CACNB2: variants seen among roughly 807,000 people sequenced by gnomAD.
CACNB2 encodes voltage-dependent L-type calcium channel subunit beta-2.
In CACNB2, 42 loss-of-function variants were observed where a neutral mutation model predicts 73.3. The observed-to-expected ratio is 0.57, with a 90% CI of 0.45 to 0.74. The LOEUF (loss-of-function observed/expected upper bound fraction) is 0.74, where lower values mean the gene tolerates loss of function less well. Among genes scored for constraint, CACNB2 ranks in the 30% least tolerant of loss-of-function variants. The probability of loss-of-function intolerance (pLI) is 0.00; values close to 1 mark genes in which losing one functional copy is unlikely to be tolerated. For missense variants in CACNB2, 940 were observed against 853.0 expected, an observed-to-expected ratio of 1.10 and a Z score of -1.27; for synonymous variants, 348 against 310.3, an observed-to-expected ratio of 1.12 and a Z score of -1.28.
intron 2 of CACNB2, among the ~76,000 whole-genome samples, chr10:18,271,754 CTG>C (rs2038064016): frequency 6.6e-6 from 1 of 152,174 alleles, no homozygotes; most frequent in East Asian, 1.9e-4. Flanking sequence ...AGCCAGACTC[CTG>C]TGTGTGTTCT....
At chr10:18,325,689 C>CCCTTCCTTCCTTCCTT (rs1355342877) in intron 2 of CACNB2, among the ~76,000 whole-genome samples, 38 of 89,202 alleles carry the variant, frequency 4.3e-4, no homozygotes, top group South Asian at 1.2e-3. Context: ...CTCCCTCCCT[C>CCCTTCCTTCCTTCCTT]CCTTCCTTCC....
intron 2 of CACNB2, chr10:18,261,463 GA>G: frequency 9.1e-7 from 1 of 1,101,002 alleles, no homozygotes; most frequent in East Asian, 2.6e-5. Flanking sequence ...AGTTTTCAAG[GA>G]ATCTGAGGTA....
At chr10:18,349,176 G>A (rs747593076) in intron 2 of CACNB2, among the ~76,000 whole-genome samples, 1 of 152,162 alleles carries the variant, frequency 6.6e-6, no homozygotes, top group African/African-American at 2.4e-5. Flanking sequence ...TGAAGGGTGG[G>A]CATTCACAGG....
At chr10:18,370,177 A>T (rs1477149225) in intron 2 of CACNB2, among the ~76,000 whole-genome samples, 1 of 152,234 alleles carries the variant, frequency 6.6e-6, no homozygotes, top group Non-Finnish European at 1.5e-5. Flanking sequence ...GTTACATTTA[A>T]ATAGCCACAC....
At chr10:18,307,985 T>A (rs1236103201) in intron 2 of CACNB2, among the ~76,000 whole-genome samples, 5 of 85,880 alleles carry the variant, frequency 5.8e-5, no homozygotes, top group Admixed American at 1.2e-4. Flanking sequence ...TATGCCAACT[T>A]TTTTTTTTTT....
chr10:18,163,463 C>G lies in CACNB2; in HGVS notation c.213+12488C>G, dbSNP rs2032619465. ...ATTCTAGACCCTTAGTGCAAAGCCA[C>G]TGACCATGACCATGGGCATGAGGCA... is the stretch of plus-strand genomic sequence containing the variant. On this transcript the variant is annotated intron_variant, in intron 2 of 13. Transcript: ENST00000324631. Among the ~76,000 whole-genome samples, 3 of 152,162 alleles carry G rather than the reference C, an allele frequency of 2.0e-5. No individual in the cohort carries two copies. In the South Asian group the frequency reaches 6.2e-4, roughly 32 times the overall value.
intron 2 of CACNB2, among the ~76,000 whole-genome samples, chr10:18,339,287 A>C (rs950563250): frequency 6.6e-6 from 1 of 152,038 alleles, no homozygotes; most frequent in African/African-American, 2.4e-5. Context: ...TTGGGAGGCC[A>C]AGGCAGGCAG....
intron 2 of CACNB2, among the ~76,000 whole-genome samples, chr10:18,163,519 G>A (rs547429549): frequency 6.6e-6 from 1 of 152,206 alleles, no homozygotes; most frequent in Non-Finnish European, 1.5e-5. Flanking sequence ...CAGGACTTTG[G>A]CAATACCTTG....
At chr10:18,235,698 T>A (rs73597550) in intron 2 of CACNB2, among the ~76,000 whole-genome samples, 15,433 of 152,150 alleles carry the variant, frequency 0.1, 1,724 homozygotes, top group African/African-American at 0.28. Flanking sequence ...TGACTGGTCT[T>A]GGCTCTGCCT....
chr10:18,285,109 G>A (rs2038729133), intron 2 of CACNB2, among the ~76,000 whole-genome samples: 1 of 152,130 alleles, frequency 6.6e-6, no homozygotes, highest in African/African-American at 2.4e-5. Flanking sequence ...ATGTATGGTA[G>A]TCTTACAGAT....
At chr10:18,481,192 C>CTATATG in intron 3 of CACNB2, among the ~76,000 whole-genome samples, 1 of 36,700 alleles carries the variant, frequency 2.7e-5, no homozygotes, top group Non-Finnish European at 4.4e-5. Context: ...TACATCTTCG[C>CTATATG]TATATATATA....
chr10:18,398,104 T>C (rs1011017715), intron 2 of CACNB2, among the ~76,000 whole-genome samples: 7 of 152,196 alleles, frequency 4.6e-5, no homozygotes, highest in African/African-American at 7.2e-5. Context: ...TGAAGACTAC[T>C]TGAGGCACGA....
At chr10:18,464,219 C>T (rs2047739612) in intron 3 of CACNB2, among the ~76,000 whole-genome samples, 2 of 150,738 alleles carry the variant, frequency 1.3e-5, no homozygotes, top group Non-Finnish European at 3.0e-5. Flanking sequence ...TATCCCTCTG[C>T]ATAACTTCTC....
intron 2 of CACNB2, among the ~76,000 whole-genome samples, chr10:18,259,564 C>G (rs57501673): frequency 5.6e-5 from 7 of 124,722 alleles, no homozygotes; most frequent in East Asian, 4.6e-4. Context: ...AAAAAACAAA[C>G]AAAAAAAAAA....
chr10:18,533,796 A>C (rs1303146202), intron 10 of CACNB2, among the ~76,000 whole-genome samples: 2 of 152,234 alleles, frequency 1.3e-5, no homozygotes, highest in African/African-American at 2.4e-5. Context: ...GCAAGCACAA[A>C]GAATGTCAGC....
intron 2 of CACNB2, among the ~76,000 whole-genome samples, chr10:18,353,720 T>G (rs1419611935): frequency 6.6e-6 from 1 of 152,158 alleles, no homozygotes; most frequent in Non-Finnish European, 1.5e-5. Context: ...AATTTGAGAG[T>G]ATAAATTTGG....
At chr10:18,286,516 TCAAAAAAAAAAAAA>T (rs1377428174) in intron 2 of CACNB2, among the ~76,000 whole-genome samples, 9 of 26,966 alleles carry the variant, frequency 3.3e-4, no homozygotes, top group Admixed American at 6.6e-4. Flanking sequence ...AGATTCTGTC[TCAAAAAAAAAAAAA>T]AAAAAAAAAA....
chr10:18,191,389 A>G (rs2034388792), intron 2 of CACNB2, among the ~76,000 whole-genome samples: 2 of 152,320 alleles, frequency 1.3e-5, no homozygotes, highest in Middle Eastern at 3.4e-3. Flanking sequence ...TGTTTCAGTG[A>G]TTGATGAAGG....
At chr10:18,493,085 T>C (rs979374628) in intron 3 of CACNB2, among the ~76,000 whole-genome samples, 1 of 152,234 alleles carries the variant, frequency 6.6e-6, no homozygotes, top group African/African-American at 2.4e-5. Context: ...ACTATTTGCA[T>C]AGCGTTTACC....
Sources: gnomAD v4.1 joint callset for allele counts (sites outside exome capture counted in the v4.1 genomes callset) on GRCh38, gnomAD v4.1.1 for gene constraint, MANE v1.5 for transcripts, NCBI Gene and HGNC (gene_info 2026-07-23, HGNC 2026-07-21) for gene names.